The following SMAD2 variants were observed in gnomAD, a reference collection of about 807,000 sequenced individuals.
The protein encoded by SMAD2 is MAD homolog 2.
SMAD2 carries 8 observed loss-of-function variants against 64.4 expected under a neutral mutation model. The observed-to-expected ratio is 0.12, with a 90% CI of 0.07 to 0.22. The LOEUF (loss-of-function observed/expected upper bound fraction) is 0.22. Ranked by LOEUF, SMAD2 falls within the 10% of genes least tolerant of loss-of-function variation. The pLI, the probability that SMAD2 is intolerant of heterozygous loss-of-function variation, is 1.00. For synonymous variants in SMAD2, 203 were observed against 195.8 expected, an observed-to-expected ratio of 1.04 and a Z score of -0.31; for missense variants, 289 against 561.2, an observed-to-expected ratio of 0.51 and a Z score of 4.90.
intron 1 of SMAD2, among the ~76,000 whole-genome samples, chr18:47,914,563 T>C (rs1434861000): frequency 6.6e-6 from 1 of 152,138 alleles, no homozygotes; most frequent in East Asian, 1.9e-4. Flanking sequence ...AGAAATTTGG[T>C]TTTAAGAGGT....
chr18:47,853,817 T>C (rs2030392584), intron 6 of SMAD2, among the ~76,000 whole-genome samples: 1 of 152,042 alleles, frequency 6.6e-6, no homozygotes, highest in South Asian at 2.1e-4. Flanking sequence ...ACAACTAAGA[T>C]AGGTCAAAAC....
chr18:47,810,897 C>A lies in SMAD2; in HGVS notation c.*30930G>T, dbSNP rs375576821. On this transcript the variant is annotated 3_prime_UTR_variant, in exon 11 of 11. Coordinates refer to ENST00000262160, the MANE Select transcript of SMAD2 (RefSeq NM_005901.6). ...ATCGTCTTCCTTAGACTGTGGGATG[C>A]AAATCGTGGTTTTCTTATGCCAAAA... 2 of 152,388 alleles carry A rather than the reference C, an allele frequency of 1.3e-5. No individual in the cohort carries two copies. The highest frequency in any genetic ancestry group is 2.1e-4 in the South Asian group (1 of 4,828). The allele number at this position is 152,388 out of a possible 1,614,324, so 9.4% of individuals were successfully genotyped here. A position where few individuals can be genotyped will look rare whatever the true frequency, so the allele number is the denominator to read the frequency against.
Position 47,812,330 on chromosome 18 carries a change from G to A in SMAD2, c.*29497C>T, listed in dbSNP as rs1043395042. 6 of 152,138 alleles carry A rather than the reference G, an allele frequency of 3.9e-5. No homozygotes were observed. Among genetic ancestry groups the A allele is most frequent in the African/African-American group, 1.4e-4 (6 of 41,408 alleles). The allele number at this position is 152,138 out of a possible 1,614,324, so 9.4% of individuals were successfully genotyped here. A position where few individuals can be genotyped will look rare whatever the true frequency, so the allele number is the denominator to read the frequency against. On this transcript the variant is annotated 3_prime_UTR_variant, in exon 11 of 11. Coordinates refer to ENST00000262160, the MANE Select transcript of SMAD2 (RefSeq NM_005901.6). Reference sequence around the variant, plus strand: ...CCTTCACCTTCTGCCATAATTGTGAGGCCTCCCCAGCCATGTAAAACTGTG... The same window carrying A: ...CCTTCACCTTCTGCCATAATTGTGAAGCCTCCCCAGCCATGTAAAACTGTG...
chr18:47,892,095 T>C (rs1201716645), intron 2 of SMAD2, among the ~76,000 whole-genome samples: 2 of 152,160 alleles, frequency 1.3e-5, no homozygotes, highest in Non-Finnish European at 2.9e-5. Flanking sequence ...TCTGGATCCA[T>C]GATGATCATA....
chr18:47,842,467 G>C (rs1332402042), intron 10 of SMAD2, among the ~76,000 whole-genome samples: 1 of 152,078 alleles, frequency 6.6e-6, no homozygotes, highest in East Asian at 1.9e-4. Flanking sequence ...TTGAACCCAA[G>C]AGGCAGAGGC....
chr18:47,862,722 T>G (rs1187017581), intron 6 of SMAD2, among the ~76,000 whole-genome samples: 2 of 152,218 alleles, frequency 1.3e-5, no homozygotes, highest in Non-Finnish European at 2.9e-5. Context: ...TTAAGTCTCT[T>G]TGTGTATCTT....
At chr18:47,876,141 G>C (rs2032249212) in intron 2 of SMAD2, among the ~76,000 whole-genome samples, 1 of 151,988 alleles carries the variant, frequency 6.6e-6, no homozygotes, top group South Asian at 2.1e-4. Flanking sequence ...ATCCTAAAGA[G>C]ATTATTAAGT....
chr18:47,916,129 G>C lies in SMAD2; in HGVS notation c.-54+14232C>G, dbSNP rs529518189. Among the ~76,000 whole-genome samples, 7 of 152,162 alleles carry C rather than the reference G, an allele frequency of 4.6e-5. No homozygotes were observed. The East Asian group carries it at 1.4e-3, about 29-fold the overall frequency. Reference sequence around the variant, plus strand: ...CCTGAGACAAACCCTAATTAGTCATGGTATTTTTGTTTTGAGTAAATACTA... The same window carrying C: ...CCTGAGACAAACCCTAATTAGTCATCGTATTTTTGTTTTGAGTAAATACTA... On this transcript the variant is annotated intron_variant, in intron 1 of 10. Transcript: ENST00000262160.
chr18:47,847,154 G>A (rs922496175), intron 8 of SMAD2, among the ~76,000 whole-genome samples: 1 of 152,010 alleles, frequency 6.6e-6, no homozygotes, highest in African/African-American at 2.4e-5. Context: ...TTTTTTTGCA[G>A]AACCCCAATT....
At chr18:47,927,215 A>C (rs1369287776) in intron 1 of SMAD2, among the ~76,000 whole-genome samples, 2 of 152,206 alleles carry the variant, frequency 1.3e-5, no homozygotes, top group East Asian at 3.9e-4. Flanking sequence ...GTTCAGCAAT[A>C]AACATGTTTC....
Position 47,869,233 on chromosome 18 carries a change from A to C in SMAD2, c.520+10T>G. ...TTCAAAACCAAGAAAAAAACTTGCA[A>C]TATTCCTACCTGGTGTCTCAACTCT... On this transcript the variant is annotated intron_variant, in intron 4 of 10. Transcript: ENST00000262160. 1 of 1,606,708 alleles carries C rather than the reference A, an allele frequency of 6.2e-7. No homozygotes were observed. Among genetic ancestry groups the C allele is most frequent in the Non-Finnish European group, 8.5e-7 (1 of 1,173,496 alleles).
rs1336274479 is a variant in SMAD2, at chr18:47,824,707, T to A, written c.*17120A>T. On this transcript the variant is annotated 3_prime_UTR_variant, in exon 11 of 11. Coordinates refer to ENST00000262160, the MANE Select transcript of SMAD2 (RefSeq NM_005901.6). The stretch of plus-strand genomic sequence containing the variant: ...CTTCCAAACACACTAAAGTACAGTA[T>A]ACTCAATTTTAAATATAGACAGTAT... 1 of 152,188 alleles carries A rather than the reference T, an allele frequency of 6.6e-6. No individual in the cohort carries two copies. Among genetic ancestry groups the A allele is most frequent in the Non-Finnish European group, 1.5e-5 (1 of 68,040 alleles). The allele number at this position is 152,188 out of a possible 1,614,324, so 9.4% of individuals were successfully genotyped here.
At chr18:47,866,571 C>T (rs746642667) in intron 5 of SMAD2, among the ~76,000 whole-genome samples, 8 of 152,006 alleles carry the variant, frequency 5.3e-5, no homozygotes, top group East Asian at 1.9e-4. Flanking sequence ...AGTTAAACGG[C>T]GCTAAGCTTT....
intron 2 of SMAD2, chr18:47,878,337 G>A (rs973152998): frequency 6.6e-6 from 1 of 152,210 alleles, no homozygotes. Context: ...TGATGCTCAT[G>A]TAATAAGTAC....
upstream of SMAD2, chr18:47,930,743 AC>A (rs2034984215): frequency 7.0e-6 from 1 of 143,042 alleles, no homozygotes; most frequent in African/African-American, 2.5e-5. Context: ...CCGCCAGCCC[AC>A]CTCCGCTTCC....
chr18:47,904,166 T>C (rs1219446856), intron 1 of SMAD2, among the ~76,000 whole-genome samples: 1 of 150,868 alleles, frequency 6.6e-6, no homozygotes, highest in Non-Finnish European at 1.5e-5. Context: ...CACAAGCTCT[T>C]TTCCAAGGGC....
rs1011483314 is a variant in SMAD2, at chr18:47,838,695, A to T, written c.*3132T>A. On this transcript the variant is annotated 3_prime_UTR_variant, in exon 11 of 11. Transcript: ENST00000262160. ...TTCTGAGCTTCTTTTTAAAGCAATG[A>T]AACTCTTTCCAAAAGAAACCCCATG... is the stretch of plus-strand genomic sequence containing the variant. The T allele has an allele frequency of 1.7e-5, 4 of 232,748 alleles. No homozygotes were observed. The highest frequency in any genetic ancestry group is 1.1e-4 in the Admixed American group (2 of 17,764). 14.4% of individuals were successfully genotyped at this position (232,748 alleles called of 1,614,324 possible).
In SMAD2 at chr18:47,865,564, A is replaced by G. The variant is rs141998810; in HGVS notation, c.656-431T>C. Among the ~76,000 whole-genome samples, 1,115 of 152,274 alleles carry G rather than the reference A, an allele frequency of 7.3e-3. 8 individuals carry two copies. The highest frequency in any genetic ancestry group is 0.025 in the African/African-American group (1,050 of 41,548). On this transcript the variant is annotated intron_variant, in intron 5 of 10. Coordinates refer to ENST00000262160, the MANE Select transcript of SMAD2 (RefSeq NM_005901.6). Reference sequence around the variant, plus strand: ...AATTAAAAAACACACAAGATTTTGGATTATAAAAGTATTAAATAATACAGG... The same window carrying G: ...AATTAAAAAACACACAAGATTTTGGGTTATAAAAGTATTAAATAATACAGG...
At chr18:47,893,091 G>A (rs919112598) in intron 2 of SMAD2, among the ~76,000 whole-genome samples, 3 of 152,096 alleles carry the variant, frequency 2.0e-5, no homozygotes, top group East Asian at 3.9e-4. Flanking sequence ...CCCATCCCTC[G>A]GACTCAAAAA....
Sources: gnomAD v4.1 joint callset for allele counts (sites outside exome capture counted in the v4.1 genomes callset) on GRCh38, gnomAD v4.1.1 for gene constraint, MANE v1.5 for transcripts, NCBI Gene and HGNC (gene_info 2026-07-23, HGNC 2026-07-21) for gene names.